The following CDH4 variants were observed in gnomAD, a reference collection of about 807,000 sequenced individuals.
CDH4 encodes cadherin-4.
In CDH4, 33 loss-of-function variants were observed where a neutral mutation model predicts 86.0. The observed-to-expected ratio is 0.38, with a 90% confidence interval of 0.29 to 0.51. The LOEUF (loss-of-function observed/expected upper bound fraction) is 0.51. Ranked by LOEUF, CDH4 falls within the 20% of genes least tolerant of loss-of-function variation. CDH4 has a pLI of 0.86. For missense variants in CDH4, 1,114 were observed against 1,307.4 expected, an observed-to-expected ratio of 0.85 and a Z score of 2.28; for synonymous variants, 555 against 549.4, an observed-to-expected ratio of 1.01 and a Z score of -0.14.
At chr20:61,711,632 A>C (rs1180657696) in intron 2 of CDH4, among the ~76,000 whole-genome samples, 3 of 152,142 alleles carry the variant, frequency 2.0e-5, no homozygotes, top group Non-Finnish European at 2.9e-5. Flanking sequence ...AAGATCCTTG[A>C]CTTAAACACA....
chr20:61,888,174 G>A lies in CDH4; in HGVS notation c.1051-6736G>A, dbSNP rs566772060. Reference sequence around the variant, plus strand: ...GATGCAGCCACATCCCTGCAGAGCCGCCGCCACTGCCGGTACACACAGATG... The same window carrying A: ...GATGCAGCCACATCCCTGCAGAGCCACCGCCACTGCCGGTACACACAGATG... On this transcript the variant is annotated intron_variant, in intron 7 of 15. Transcript: ENST00000614565. 1.6e-3 allele frequency among the ~76,000 whole-genome samples: 244 copies of A among 152,316 alleles called. 2 individuals are homozygous for A. Among genetic ancestry groups the A allele is most frequent in the South Asian group, 9.1e-3 (44 of 4,822 alleles).
intron 2 of CDH4, among the ~76,000 whole-genome samples, chr20:61,350,085 T>C (rs141823846): frequency 0.022 from 3,210 of 149,150 alleles, 72 homozygotes; most frequent in African/African-American, 0.061. Context: ...ACCTTGCCTC[T>C]CCCACCCAGC....
Position 61,541,740 on chromosome 20 carries a change from G to A in CDH4, c.170-201823G>A, listed in dbSNP as rs76212901. Among the ~76,000 whole-genome samples, 862 of 152,228 alleles carry A rather than the reference G, an allele frequency of 5.7e-3. 40 individuals are homozygous for A. In the East Asian group the frequency reaches 0.12, roughly 22 times the overall value. On this transcript the variant is annotated intron_variant, in intron 2 of 15. Transcript: ENST00000614565. ...ATGGCTTTTTCTTCTCACTTAATGC[G>A]TCTGTGAGCCTCTCCCCGTGGGTCC...
chr20:61,441,998 G>A (rs767055851), intron 2 of CDH4, among the ~76,000 whole-genome samples: 7 of 152,146 alleles, frequency 4.6e-5, no homozygotes, highest in Non-Finnish European at 7.4e-5. Context: ...AAATCCAATC[G>A]TTTGTATCAG....
intron 2 of CDH4, among the ~76,000 whole-genome samples, chr20:61,565,257 A>ATGGTGGTGG (rs1239271694): frequency 6.7e-5 from 1 of 14,892 alleles, no homozygotes; most frequent in Non-Finnish European, 1.1e-4. Flanking sequence ...GCTCTTGGTG[A>ATGGTGGTGG]TGGTGGTGGT....
intron 2 of CDH4, among the ~76,000 whole-genome samples, chr20:61,349,235 G>A (rs777102602): frequency 7.9e-5 from 12 of 152,218 alleles, no homozygotes; most frequent in Non-Finnish European, 1.3e-4. Flanking sequence ...GGCCACATAT[G>A]CTCTACCTGC....
chr20:61,908,718 G>A (rs2054818870), intron 8 of CDH4, among the ~76,000 whole-genome samples: 1 of 152,320 alleles, frequency 6.6e-6, no homozygotes, highest in African/African-American at 2.4e-5. Context: ...AGTCAGCTGG[G>A]GAGGGGCACT....
intron 4 of CDH4, among the ~76,000 whole-genome samples, chr20:61,783,243 A>G (rs571355257): frequency 1.3e-5 from 2 of 152,392 alleles, no homozygotes; most frequent in South Asian, 4.1e-4. Flanking sequence ...TTCATTACCC[A>G]ACATTCTATC....
chr20:61,426,136 A>T (rs1359364034), intron 2 of CDH4, among the ~76,000 whole-genome samples: 5 of 152,248 alleles, frequency 3.3e-5, no homozygotes, highest in Admixed American at 3.3e-4. Flanking sequence ...AAAGAAATAG[A>T]AGAGGCCAGA....
intron 4 of CDH4, among the ~76,000 whole-genome samples, chr20:61,783,072 G>A (rs1350654386): frequency 1.2e-4 from 19 of 152,188 alleles, no homozygotes; most frequent in Non-Finnish European, 1.3e-4. Context: ...GTAACAGAGT[G>A]AGACCTTGTT....
At chr20:61,481,327 A>G (rs954479067) in intron 2 of CDH4, among the ~76,000 whole-genome samples, 1 of 152,192 alleles carries the variant, frequency 6.6e-6, no homozygotes, top group Admixed American at 6.5e-5. Context: ...TCCTGGTCCC[A>G]CACATTGGGG....
In CDH4 at chr20:61,879,235, C is replaced by T. The variant is rs1219188723; in HGVS notation, c.1050+5335C>T. ...GCCCAGGCCTGCTGAGCCCGAGAAG[C>T]TGATTTCTGTCTGGCTTGGCGTATC... On this transcript the variant is annotated intron_variant, in intron 7 of 15. Transcript: ENST00000614565. This position sits in a 1 kb window ranked among gnomAD's most constrained non-coding sequence, Gnocchi z 4.1. Among the ~76,000 whole-genome samples the T allele has an allele frequency of 6.6e-6, 1 of 152,208 alleles. No individual in the cohort carries two copies. Among genetic ancestry groups the T allele is most frequent in the Non-Finnish European group, 1.5e-5 (1 of 68,042 alleles).
Position 61,663,237 on chromosome 20 carries a change from AGAG to A in CDH4, c.170-80322_170-80320del, listed in dbSNP as rs2087281088. ...CGTTCTGTGACAAAGCCCCTGTCCC[AGAG>A]GAGCTTTCATCGAGGGCTTGGCGCC... is the stretch of plus-strand genomic sequence containing the variant. On this transcript the variant is annotated intron_variant, in intron 2 of 15. Transcript: ENST00000614565. This position sits in a 1 kb window ranked among gnomAD's most constrained non-coding sequence, Gnocchi z 5.0. Among the ~76,000 whole-genome samples, 1 of 152,236 alleles carries A rather than the reference AGAG, an allele frequency of 6.6e-6. No individual in the cohort carries two copies. The highest frequency in any genetic ancestry group is 1.5e-5 in the Non-Finnish European group (1 of 68,048).
intron 2 of CDH4, among the ~76,000 whole-genome samples, chr20:61,575,833 T>A (rs1444892765): frequency 6.6e-6 from 1 of 152,088 alleles, no homozygotes; most frequent in East Asian, 1.9e-4. Context: ...AGATGGGAGG[T>A]AGGCACAGCT....
In CDH4 at chr20:61,393,333, G is replaced by A. The variant is rs942685298; in HGVS notation, c.169+138396G>A. On this transcript the variant is annotated intron_variant, in intron 2 of 15. Transcript: ENST00000614565. The surrounding 1 kb of genome is among the most constrained non-coding windows in gnomAD (Gnocchi z 4.3). ...CATCCGGTCTTCCAGTGGTGTGGGG[G>A]ACAGCAGCCGGGGGGGGCCGGGGTC... 2.1e-4 allele frequency among the ~76,000 whole-genome samples: 32 copies of A among 151,108 alleles called. No homozygotes were observed. Among genetic ancestry groups the A allele is most frequent in the African/African-American group, 9.7e-5 (4 of 41,374 alleles).
At chr20:61,800,017 G>A (rs1375718308) in intron 4 of CDH4, among the ~76,000 whole-genome samples, 3 of 152,086 alleles carry the variant, frequency 2.0e-5, no homozygotes, top group Non-Finnish European at 2.9e-5. Flanking sequence ...AGCGGCCCTC[G>A]GTGGGCACAG....
chr20:61,853,656 C>A (rs1235414442), intron 6 of CDH4, among the ~76,000 whole-genome samples: 3 of 152,206 alleles, frequency 2.0e-5, no homozygotes, highest in Non-Finnish European at 4.4e-5. Context: ...CAGTTGCAGA[C>A]CCTCAGGGCG....
chr20:61,263,490 C>G (rs745401274), intron 2 of CDH4, among the ~76,000 whole-genome samples: 6 of 152,152 alleles, frequency 3.9e-5, no homozygotes, highest in Non-Finnish European at 8.8e-5. Context: ...GCCAATGTGT[C>G]TTCTCATTTA....
chr20:61,786,112 C>T (rs894279375), intron 4 of CDH4, among the ~76,000 whole-genome samples: 7 of 152,156 alleles, frequency 4.6e-5, no homozygotes, highest in Admixed American at 1.3e-4. Flanking sequence ...TGGGGGTCTT[C>T]GGCTCAGCCC....
Sources: gnomAD v4.1 joint callset for allele counts (sites outside exome capture counted in the v4.1 genomes callset) on GRCh38, gnomAD v4.1.1 for gene constraint, Gnocchi (gnomAD v3.1) non-coding constraint, MANE v1.5 for transcripts, NCBI Gene and HGNC (gene_info 2026-07-23, HGNC 2026-07-21) for gene names.